The following OCM variants were observed in gnomAD, a reference collection of about 807,000 sequenced individuals.
OCM encodes the protein oncomodulin-1.
A neutral mutation model predicts 14.1 loss-of-function variants in OCM; 18 were observed. The observed-to-expected ratio is 1.28, with a 90% CI of 0.88 to 1.89. OCM has a LOEUF of 1.89. Ranked by LOEUF, OCM falls within the 40% of genes most tolerant of loss-of-function variation. The pLI is 0.00. For synonymous variants in OCM, 48 were observed against 51.0 expected (o/e 0.94, Z 0.25); for missense variants, 140 against 137.6 (o/e 1.02, Z -0.09).
the OCM span, among the ~76,000 whole-genome samples, chr7:5,869,380 T>G: frequency 6.6e-6 from 1 of 151,676 alleles, no homozygotes; most frequent in Non-Finnish European, 1.5e-5. Context: ...GGTGGATCAC[T>G]TGAGGTCAGG....
the OCM span, among the ~76,000 whole-genome samples, chr7:5,860,861 CAT>C: frequency 6.8e-6 from 1 of 147,110 alleles, no homozygotes; most frequent in Non-Finnish European, 1.5e-5. Flanking sequence ...TATACATATA[CAT>C]ATATATATTT....
upstream of OCM, among the ~76,000 whole-genome samples, chr7:5,877,819 C>CAAAAA (rs535302724): frequency 5.4e-5 from 3 of 55,302 alleles, no homozygotes; most frequent in East Asian, 5.4e-4. Context: ...GACTCCATCT[C>CAAAAA]AAAAAAAAAA....
At chr7:5,860,504 G>A in the OCM span, among the ~76,000 whole-genome samples, 22 of 122,532 alleles carry the variant, frequency 1.8e-4, 3 homozygotes, top group Non-Finnish European at 2.6e-4. Flanking sequence ...TATATATTAC[G>A]TATATATACG....
chr7:5,860,851 T>C, the OCM span, among the ~76,000 whole-genome samples: 24 of 145,464 alleles, frequency 1.6e-4, no homozygotes, highest in Non-Finnish European at 3.7e-4. Context: ...TACACATACA[T>C]ATACATATAC....
At chr7:5,861,278 G>A in the OCM span, among the ~76,000 whole-genome samples, 14 of 151,992 alleles carry the variant, frequency 9.2e-5, no homozygotes, top group Admixed American at 3.3e-4. Flanking sequence ...AAAATTAGCC[G>A]GGCTTGGTGC....
upstream of OCM, among the ~76,000 whole-genome samples, chr7:5,876,953 G>T (rs1020697197): frequency 6.6e-6 from 1 of 152,130 alleles, no homozygotes; most frequent in African/African-American, 2.4e-5. Context: ...TTACAGGCAT[G>T]CGCCACCATG....
In OCM at chr7:5,884,009, C is replaced by T. The variant is rs780447251; in HGVS notation, c.304+10C>T. ...AAAATTGGAGCAGAGGGTATGTCCA[C>T]ACGTGTACGTAGCATAAAACACTCT... On this transcript the variant is annotated intron_variant, in intron 3 of 3. Transcript: ENST00000242104. 1.9e-6 allele frequency: 3 copies of T among 1,611,554 alleles called. No individual in the cohort carries two copies. The African/African-American group carries it at 4.0e-5, about 22-fold the overall frequency.
the OCM span, among the ~76,000 whole-genome samples, chr7:5,860,538 AT>A: frequency 1.4e-4 from 15 of 105,894 alleles, 1 homozygote; most frequent in East Asian, 9.1e-4. Flanking sequence ...GTGTATATAT[AT>A]TACGTATATA....
At chr7:5,874,969 C>T (rs1392734124), upstream of OCM, among the ~76,000 whole-genome samples, 1 of 151,868 alleles carries the variant, frequency 6.6e-6, no homozygotes, top group Non-Finnish European at 1.5e-5. Flanking sequence ...CTGTCTCTGT[C>T]AATTTGAATA....
At chr7:5,863,563 T>C in the OCM span, among the ~76,000 whole-genome samples, 12 of 150,794 alleles carry the variant, frequency 8.0e-5, no homozygotes, top group South Asian at 1.7e-3. Flanking sequence ...GATGGAGTCT[T>C]GCTCTGTCAC....
At chr7:5,862,517 G>A in the OCM span, among the ~76,000 whole-genome samples, 1 of 152,192 alleles carries the variant, frequency 6.6e-6, no homozygotes, top group Non-Finnish European at 1.5e-5. Context: ...CACATGGATA[G>A]GACAAGGACA....
At chr7:5,866,057 G>A in the OCM span, among the ~76,000 whole-genome samples, 2 of 151,706 alleles carry the variant, frequency 1.3e-5, no homozygotes, top group African/African-American at 4.8e-5. Context: ...GCACTGGCTC[G>A]TGCCTGCAAT....
At chr7:5,865,355 G>C in the OCM span, among the ~76,000 whole-genome samples, 1 of 152,154 alleles carries the variant, frequency 6.6e-6, no homozygotes. Context: ...AAAAAGTTGA[G>C]CTTTTACTAA....
At chr7:5,866,266 C>G in the OCM span, among the ~76,000 whole-genome samples, 2 of 149,740 alleles carry the variant, frequency 1.3e-5, no homozygotes, top group African/African-American at 4.9e-5. Context: ...TTCAAGGTGA[C>G]ACTGAGCTAT....
chr7:5,870,016 AGCTGT>A, the OCM span, among the ~76,000 whole-genome samples: 1 of 152,100 alleles, frequency 6.6e-6, no homozygotes, highest in Admixed American at 6.6e-5. Flanking sequence ...ACAAAACCAT[AGCTGT>A]GACATCTTTG....
At chr7:5,877,628 G>A (rs2128605943), upstream of OCM, among the ~76,000 whole-genome samples, 1 of 151,774 alleles carries the variant, frequency 6.6e-6, no homozygotes, top group East Asian at 2.0e-4. Flanking sequence ...AGACCAGCCT[G>A]GCCAACATGG....
chr7:5,869,544 G>T, the OCM span, among the ~76,000 whole-genome samples: 1 of 152,092 alleles, frequency 6.6e-6, no homozygotes, highest in Non-Finnish European at 1.5e-5. Flanking sequence ...GTTGCAGTGA[G>T]CCGAGATGGC....
chr7:5,863,882 AG>A, the OCM span, among the ~76,000 whole-genome samples: 1 of 152,000 alleles, frequency 6.6e-6, no homozygotes, highest in African/African-American at 2.4e-5. Context: ...GTGGATGCAG[AG>A]GCTGGGAGAG....
the OCM span, among the ~76,000 whole-genome samples, chr7:5,859,814 C>T: frequency 6.6e-6 from 1 of 152,094 alleles, no homozygotes; most frequent in African/African-American, 2.4e-5. Flanking sequence ...TCTCCTGCCT[C>T]AGCCTCGTGA....
Sources: gnomAD v4.1 joint callset for allele counts (sites outside exome capture counted in the v4.1 genomes callset) on GRCh38, gnomAD v4.1.1 for gene constraint, MANE v1.5 for transcripts, NCBI Gene and HGNC (gene_info 2026-07-23, HGNC 2026-07-21) for gene names.